WDR48: variants seen among roughly 807,000 people sequenced by gnomAD.
WDR48 encodes WD repeat domain 48.
A neutral mutation model predicts 94.0 loss-of-function variants in WDR48; 22 were observed. That is an observed-to-expected ratio of 0.23 (90% CI 0.17 to 0.33). The LOEUF is 0.33. WDR48 is among the 10% of genes least tolerant of loss of function. WDR48 has a pLI of 1.00. For synonymous variants in WDR48, 278 were observed against 280.5 expected (o/e 0.99, Z 0.09); for missense variants, 541 against 813.8 (o/e 0.66, Z 4.08).
At chr3:39,087,756 A>G (rs2034886015) in intron 14 of WDR48, 1 of 158,170 alleles carries the variant, frequency 6.3e-6, no homozygotes, top group African/African-American at 2.4e-5. Flanking sequence ...TCCTCAAGAA[A>G]TTTTTCTGAG....
chr3:39,095,334 A>G lies in WDR48; in HGVS notation c.*591A>G, dbSNP rs903201466. 1.3e-5 allele frequency: 2 copies of G among 153,652 alleles called. No homozygotes were observed. Among genetic ancestry groups the G allele is most frequent in the African/African-American group, 2.4e-5 (1 of 41,462 alleles). 9.5% of individuals were successfully genotyped at this position (153,652 alleles called of 1,614,324 possible). A position where few individuals can be genotyped will look rare whatever the true frequency, so the allele number is the denominator to read the frequency against. On this transcript the variant is annotated 3_prime_UTR_variant, in exon 19 of 19. Transcript: ENST00000302313. ...ATGTTGGGCTTGTTGTTAATATTGC[A>G]TCTCAGATGTGTTCTTGTAGGAAGA... is the stretch of plus-strand genomic sequence containing the variant.
intron 1 of WDR48, among the ~76,000 whole-genome samples, chr3:39,061,838 C>G (rs1210938826): frequency 1.3e-5 from 2 of 150,658 alleles, no homozygotes; most frequent in Non-Finnish European, 1.5e-5. Flanking sequence ...ATTTGCATTT[C>G]TCTGATGGCC....
intron 16 of WDR48, 170 bp from the exon 17 acceptor site, chr3:39,091,455 A>G: frequency 2.0e-6 from 1 of 511,192 alleles, no homozygotes; most frequent in African/African-American, 2.0e-5. Flanking sequence ...TTTCTGATGA[A>G]TTTTCTCGAA....
chr3:39,084,335 G>A, intron 12 of WDR48, 73 bp downstream of exon 12: 1 of 1,108,380 alleles, frequency 9.0e-7, no homozygotes, highest in Non-Finnish European at 1.3e-6. Flanking sequence ...ATTATTATTA[G>A]TTACAGAGTC....
intron 13 of WDR48, among the ~76,000 whole-genome samples, chr3:39,085,043 C>G (rs1396218700): frequency 6.6e-6 from 1 of 151,978 alleles, no homozygotes; most frequent in African/African-American, 2.4e-5. Context: ...CTGGCTAACA[C>G]GGTGAAACCC....
intron 9 of WDR48, 62 bp downstream of exon 9, chr3:39,077,275 A>G (rs973701981): frequency 6.3e-6 from 10 of 1,585,964 alleles, no homozygotes; most frequent in African/African-American, 2.7e-5. Flanking sequence ...ACAGACCTGT[A>G]GACGCCAGTT....
chr3:39,066,708 T>C, intron 4 of WDR48, 38 bp from the exon 5 acceptor site: 1 of 1,613,654 alleles, frequency 6.2e-7, no homozygotes, highest in Non-Finnish European at 8.5e-7. Flanking sequence ...TTATTACTGA[T>C]CTACAGAATA....
intron 7 of WDR48, among the ~76,000 whole-genome samples, chr3:39,071,705 A>C (rs1269256716): frequency 1.3e-5 from 2 of 152,160 alleles, no homozygotes; most frequent in Non-Finnish European, 2.9e-5. Flanking sequence ...GATAGGTATC[A>C]CTCTTCATCT....
At chr3:39,062,963 T>C in intron 1 of WDR48, 87 bp from the exon 2 acceptor site, 1 of 1,497,270 alleles carries the variant, frequency 6.7e-7, no homozygotes, top group Non-Finnish European at 9.0e-7. Context: ...CATGGGATTT[T>C]CTGTTTCAGA....
At chr3:39,078,699 G>A (rs969910374) in intron 10 of WDR48, among the ~76,000 whole-genome samples, 4 of 151,608 alleles carry the variant, frequency 2.6e-5, no homozygotes, top group East Asian at 2.0e-4. Context: ...GATTACGGGC[G>A]TGAGCCACCA....
chr3:39,084,235 T>C lies in WDR48; in HGVS notation c.1254T>C (p.Asn418=). ...GATTTAAAATGGTGTATGTGCCAAA[T>C]TGGTTCTCAGTAGACTTAAAAACAG... is the stretch of plus-strand genomic sequence containing the variant. ...KKRFKMVYVP[N]WFSVDLKTGM... The change falls in exon 12 of 19, where the codon AAT becomes AAC. Residue 418 remains asparagine, a synonymous_variant. Transcript: ENST00000302313. The C allele has an allele frequency of 6.2e-7, 1 of 1,612,332 alleles. No individual in the cohort carries two copies. The highest frequency in any genetic ancestry group is 8.5e-7 in the Non-Finnish European group (1 of 1,178,908).
At chr3:39,064,278 C>CTT (rs532093383) in intron 2 of WDR48, among the ~76,000 whole-genome samples, 35 of 141,580 alleles carry the variant, frequency 2.5e-4, no homozygotes, top group East Asian at 8.1e-4. Flanking sequence ...TCTTTTTTTT[C>CTT]TTTTTTTTTT....
At chr3:39,092,912 T>C (rs1286242423) in intron 17 of WDR48, among the ~76,000 whole-genome samples, 1 of 119,900 alleles carries the variant, frequency 8.3e-6, no homozygotes, top group African/African-American at 4.1e-5. Context: ...CACACAATTA[T>C]TTTAAAGTGA....
intron 9 of WDR48, among the ~76,000 whole-genome samples, chr3:39,077,517 G>T (rs2034292414): frequency 6.6e-6 from 1 of 152,206 alleles, no homozygotes. Flanking sequence ...ACCTCATGAA[G>T]CTACATTTGA....
chr3:39,072,523 C>T (rs1360275411), intron 7 of WDR48, among the ~76,000 whole-genome samples: 3 of 152,176 alleles, frequency 2.0e-5, no homozygotes, highest in Non-Finnish European at 4.4e-5. Context: ...CCCGGGAACA[C>T]TCCTGTTGGT....
chr3:39,055,681 A>G (rs141294558), intron 1 of WDR48, among the ~76,000 whole-genome samples: 46 of 152,332 alleles, frequency 3.0e-4, no homozygotes, highest in African/African-American at 1.1e-3. Flanking sequence ...TACATGATGT[A>G]GCATTTTCTC....
intron 16 of WDR48, chr3:39,089,738 T>C (rs1398290294): frequency 6.6e-6 from 1 of 152,638 alleles, no homozygotes; most frequent in African/African-American, 2.4e-5. Context: ...GCACAAAATC[T>C]CTTATACTGT....
At chr3:39,055,987 C>T (rs1175749882) in intron 1 of WDR48, among the ~76,000 whole-genome samples, 1 of 152,206 alleles carries the variant, frequency 6.6e-6, no homozygotes, top group Non-Finnish European at 1.5e-5. Flanking sequence ...AGTTAATATT[C>T]GTTGAAAGAA....
At position 39,096,446 on chromosome 3, in the gene WDR48, G is replaced by A. The variant is rs568388396; in HGVS notation, c.*1703G>A. The A allele has an allele frequency of 7.9e-5, 12 of 152,130 alleles. No individual in the cohort carries two copies. In the East Asian group the frequency reaches 2.1e-3, roughly 27 times the overall value. The allele number at this position is 152,130 out of a possible 1,614,324, so 9.4% of individuals were successfully genotyped here. A position where few individuals can be genotyped will look rare whatever the true frequency, so the allele number is the denominator to read the frequency against. On this transcript the variant is annotated 3_prime_UTR_variant, in exon 19 of 19. Transcript: ENST00000302313. Reference sequence around the variant, plus strand: ...TTGTGTTTGCCCGAGGGGCCTTTGAGCAAAGAAATGGGTTTTGCTGGGTCA... The same window carrying A: ...TTGTGTTTGCCCGAGGGGCCTTTGAACAAAGAAATGGGTTTTGCTGGGTCA...
Sources: allele counts gnomAD v4.1 joint callset (sites outside exome capture counted in the v4.1 genomes callset), GRCh38; gene constraint gnomAD v4.1.1; transcripts MANE v1.5; gene names NCBI Gene and HGNC (gene_info 2026-07-23, HGNC 2026-07-21).